The following STARD13 variants were observed in gnomAD, a reference collection of about 807,000 sequenced individuals.
STARD13 encodes the protein StAR related lipid transfer domain containing 13, also known as stAR-related lipid transfer protein 13.
Under a neutral mutation model 106.4 loss-of-function variants are expected in STARD13, and 62 were observed. That is an observed-to-expected ratio of 0.58 (90% confidence interval 0.48 to 0.72). STARD13 has a LOEUF of 0.72. Ranked by LOEUF, STARD13 falls within the 30% of genes least tolerant of loss-of-function variation. The pLI, the probability that STARD13 is intolerant of heterozygous loss-of-function variation, is 0.00. For synonymous variants in STARD13, 565 were observed against 553.0 expected (o/e 1.02, Z -0.31); for missense variants, 1,387 against 1,424.0 (o/e 0.97, Z 0.42).
intron 1 of STARD13, among the ~76,000 whole-genome samples, chr13:33,332,749 T>C (rs953226335): frequency 4.6e-5 from 7 of 152,328 alleles, no homozygotes; most frequent in Non-Finnish European, 8.8e-5. Context: ...ATTTTTTGTT[T>C]TTTCTTCATA....
the STARD13 span, chr13:33,676,742 T>C: frequency 6.6e-6 from 1 of 152,204 alleles, no homozygotes. Flanking sequence ...GCAGGATTTA[T>C]TTTCTTGCAT....
intron 1 of STARD13, among the ~76,000 whole-genome samples, chr13:33,225,381 G>A (rs370552646): frequency 2.6e-5 from 4 of 152,304 alleles, no homozygotes; most frequent in East Asian, 1.9e-4. Context: ...TCTGGCCGCC[G>A]TCTGTACATC....
intron 7 of STARD13, 136 bp from the exon 8 acceptor site, chr13:33,118,399 T>C: frequency 2.8e-6 from 2 of 708,584 alleles, no homozygotes; most frequent in Admixed American, 2.2e-5. Context: ...ATAGCTACTT[T>C]AGGCAGTACC....
In STARD13 at chr13:33,117,956, T is replaced by C. The variant is rs1301640594; in HGVS notation, c.2281+109A>G. The stretch of plus-strand genomic sequence containing the variant: ...GAGGAGAGCAGGATTACATACATCT[T>C]TATGGATTGATGTATTATTCGTATA... On this transcript the variant is annotated intron_variant, in intron 8 of 13. Transcript: ENST00000336934. The C allele has an allele frequency of 2.6e-6, 4 of 1,541,020 alleles. No individual in the cohort carries two copies. In the African/African-American group the frequency reaches 4.1e-5, roughly 16 times the overall value.
rs181477605 is a variant in STARD13 at position 33,313,687 on chromosome 13, A to G, written c.124+36603T>C. 1.6e-4 allele frequency among the ~76,000 whole-genome samples: 25 copies of G among 152,300 alleles called. 1 individual carries two copies. The East Asian group carries it at 4.6e-3, about 28-fold the overall frequency. On this transcript the variant is annotated intron_variant, in intron 1 of 5. Coordinates refer to the STARD13 transcript ENST00000567873. Reference sequence around the variant, plus strand: ...CTTCACTTTATTAAATGAGTAATACAACTGATGTTGACAGACTAGAAATGA... The same window carrying G: ...CTTCACTTTATTAAATGAGTAATACGACTGATGTTGACAGACTAGAAATGA...
chr13:33,350,437 C>T (rs1231423895), exon 1 of STARD13: 2 of 1,521,652 alleles, frequency 1.3e-6, no homozygotes, highest in African/African-American at 2.8e-5. Context: ...TCATAACGAC[C>T]GGCGGGCTCT....
At chr13:33,506,450 G>C in the STARD13 span, among the ~76,000 whole-genome samples, 1 of 152,158 alleles carries the variant, frequency 6.6e-6, no homozygotes, top group East Asian at 1.9e-4. Context: ...GAGAAAATTA[G>C]AAGCTTAGAA....
At chr13:33,553,222 G>C in the STARD13 span, among the ~76,000 whole-genome samples, 1 of 151,914 alleles carries the variant, frequency 6.6e-6, no homozygotes, top group African/African-American at 2.4e-5. Flanking sequence ...ATGAATTCCA[G>C]TTTCATTCGT....
At chr13:33,489,605 T>C in the STARD13 span, among the ~76,000 whole-genome samples, 1 of 152,246 alleles carries the variant, frequency 6.6e-6, no homozygotes, top group Non-Finnish European at 1.5e-5. Context: ...AATTTCCTTT[T>C]ATACTTTCTT....
intron 1 of STARD13, among the ~76,000 whole-genome samples, chr13:33,216,106 G>A (rs145975729): frequency 6.6e-5 from 10 of 152,250 alleles, no homozygotes; most frequent in Admixed American, 6.5e-5. Flanking sequence ...ACACTTTTAT[G>A]CTGCTGGTGG....
At chr13:33,171,994 C>T (rs1043990276) in intron 1 of STARD13, among the ~76,000 whole-genome samples, 3 of 152,102 alleles carry the variant, frequency 2.0e-5, no homozygotes, top group South Asian at 2.1e-4. Flanking sequence ...AAACCATGGC[C>T]GATGTGGGTT....
At chr13:33,189,594 C>T (rs797204) in intron 1 of STARD13, among the ~76,000 whole-genome samples, 56,439 of 151,294 alleles carry the variant, frequency 0.37, 10,782 homozygotes, top group East Asian at 0.55. Context: ...GTGTATGAAC[C>T]TCCCTCCCAC....
intron 1 of STARD13, among the ~76,000 whole-genome samples, chr13:33,307,292 A>G (rs780669531): frequency 2.0e-5 from 3 of 152,228 alleles, no homozygotes; most frequent in Non-Finnish European, 4.4e-5. Context: ...TTGACCGAGC[A>G]ATCCCATTAC....
At chr13:33,616,147 AGAGAG>A in the STARD13 span, among the ~76,000 whole-genome samples, 694 of 148,058 alleles carry the variant, frequency 4.7e-3, 5 homozygotes, top group Non-Finnish European at 6.2e-3. Context: ...ACAGGGAAAA[AGAGAG>A]AGAGAGAGAA....
At chr13:33,599,689 G>C in the STARD13 span, among the ~76,000 whole-genome samples, 1 of 152,078 alleles carries the variant, frequency 6.6e-6, no homozygotes, top group Non-Finnish European at 1.5e-5. Flanking sequence ...AGTGACTACT[G>C]AACTAGCGCT....
In STARD13 at chr13:33,167,573, CG is replaced by C; in HGVS notation, c.218del (p.Pro73ArgfsTer31). On this transcript the variant is annotated frameshift_variant, in exon 2 of 14. Transcript: ENST00000336934. LOFTEE classifies it high-confidence loss of function. ...ACDWLRAAGFPQYAQLYEDSQ... is the reference protein window; with the variant it reads ...ACDWLRAAGFXQYAQLYEDSQ... ...TACCCTCATATAACTGAGCGTATTG[CG>C]GGAACCCGGCAGCACGGAGCCAGTC... 1 of 1,614,136 alleles carries C rather than the reference CG, an allele frequency of 6.2e-7. No homozygotes were observed. Among genetic ancestry groups the C allele is most frequent in the Non-Finnish European group, 8.5e-7 (1 of 1,180,004 alleles).
chr13:33,270,469 C>G (rs1312578832), intron 1 of STARD13, among the ~76,000 whole-genome samples: 1 of 152,148 alleles, frequency 6.6e-6, no homozygotes, highest in Non-Finnish European at 1.5e-5. Flanking sequence ...GAGCACCACA[C>G]CTTCCATTTG....
chr13:33,649,444 T>C, the STARD13 span, among the ~76,000 whole-genome samples: 1 of 152,242 alleles, frequency 6.6e-6, no homozygotes, highest in East Asian at 1.9e-4. Context: ...CGTCATCTTG[T>C]GTATTTCATT....
chr13:33,514,286 G>A, the STARD13 span, among the ~76,000 whole-genome samples: 1 of 152,180 alleles, frequency 6.6e-6, no homozygotes, highest in African/African-American at 2.4e-5. Flanking sequence ...TGATCTAAAT[G>A]AGATAATGTG....
Sources: gnomAD v4.1 joint callset for allele counts (sites outside exome capture counted in the v4.1 genomes callset) on GRCh38, gnomAD v4.1.1 for gene constraint, MANE v1.5 for transcripts, NCBI Gene and HGNC (gene_info 2026-07-23, HGNC 2026-07-21) for gene names.